Variants in RALGAPA1 observed in about 807,000 individuals in gnomAD.
The protein encoded by RALGAPA1 is Ral GTPase activating protein catalytic subunit alpha 1, also known as ral GTPase-activating protein subunit alpha-1.
A neutral mutation model predicts 269.6 loss-of-function variants in RALGAPA1; 52 were observed. The ratio of observed to expected loss-of-function variants is 0.19; its 90% CI spans 0.15 to 0.24. The LOEUF is 0.24. RALGAPA1 is among the 10% of genes least tolerant of loss of function. RALGAPA1 has a pLI of 1.00. For synonymous variants in RALGAPA1, 817 were observed against 1,008.3 expected, an observed-to-expected ratio of 0.81 and a Z score of 3.60; for missense variants, 1,917 against 3,013.9, an observed-to-expected ratio of 0.64 and a Z score of 8.52.
At chr14:35,550,199 A>G (rs1175192555) in intron 39 of RALGAPA1, among the ~76,000 whole-genome samples, 1 of 152,246 alleles carries the variant, frequency 6.6e-6, no homozygotes, top group South Asian at 2.1e-4. Flanking sequence ...AGGCAGCAAC[A>G]TACAATTATC....
intron 26 of RALGAPA1, among the ~76,000 whole-genome samples, chr14:35,671,060 C>T (rs934626636): frequency 1.2e-4 from 18 of 151,992 alleles, no homozygotes; most frequent in Non-Finnish European, 2.4e-4. Context: ...GTGTACAACA[C>T]GATGATTTGA....
chr14:35,570,711 T>C lies in RALGAPA1; in HGVS notation c.7402A>G (p.Ile2468Val), dbSNP rs755269915. ...PFFGPLFDGA[I>V]VNGKVLPIMV... ...ATGGGTAGAACCTTTCCATTCACAA[T>C]AGCACCATCAAAAAGGGGACCAAAG... Residue 2468 changes from isoleucine to valine, a missense_variant, in exon 39 of 42, where the codon ATT (isoleucine) becomes GTT (valine). This residue lies in a region of RALGAPA1 where 91 missense variants were observed against 130.9 expected (regional missense o/e 0.70). Coordinates refer to ENST00000680220, the MANE Select transcript of RALGAPA1 (RefSeq NM_001346249.2). 2 of 1,608,264 alleles carry C rather than the reference T, an allele frequency of 1.2e-6. No individual in the cohort carries two copies. Among genetic ancestry groups the C allele is most frequent in the South Asian group, 1.1e-5 (1 of 89,554 alleles).
chr14:35,679,116 A>G (rs2065199465), intron 21 of RALGAPA1, among the ~76,000 whole-genome samples: 1 of 152,242 alleles, frequency 6.6e-6, no homozygotes, highest in Admixed American at 6.5e-5. Flanking sequence ...TAACTTAAAT[A>G]AAGTATAGCA....
At chr14:35,766,746 A>T in intron 4 of RALGAPA1, 1 of 533,234 alleles carries the variant, frequency 1.9e-6, no homozygotes, top group Non-Finnish European at 3.8e-6. Flanking sequence ...CCTCATTGCT[A>T]ATGATTTTGT....
intron 35 of RALGAPA1, among the ~76,000 whole-genome samples, chr14:35,619,111 G>A (rs1024454197): frequency 6.6e-6 from 1 of 151,792 alleles, no homozygotes; most frequent in Admixed American, 6.6e-5. Flanking sequence ...TGGCCTATCA[G>A]ATATTAAAAT....
rs552315682 is a variant in RALGAPA1, at chr14:35,779,741, T to C, written c.107-3996A>G. ...ATCAACTCAAGATTTTGCGACATAT[T>C]AGGAGCCAAAGTATTCTCTCTCAAT... On this transcript the variant is annotated intron_variant, in intron 1 of 41. Coordinates refer to ENST00000680220, the MANE Select transcript of RALGAPA1 (RefSeq NM_001346249.2). Among the ~76,000 whole-genome samples, 8 of 152,172 alleles carry C rather than the reference T, an allele frequency of 5.3e-5. No individual in the cohort carries two copies. The South Asian group carries it at 1.5e-3, about 28-fold the overall frequency.
intron 35 of RALGAPA1, 110 bp from the exon 36 acceptor site, chr14:35,605,819 AT>A: frequency 7.9e-7 from 1 of 1,267,450 alleles, no homozygotes; most frequent in Non-Finnish European, 1.1e-6. Context: ...ATGAAAAAGA[AT>A]TAGATCTTAT....
At chr14:35,661,260 T>A (rs1039676580) in intron 27 of RALGAPA1, among the ~76,000 whole-genome samples, 2 of 152,154 alleles carry the variant, frequency 1.3e-5, no homozygotes, top group African/African-American at 4.8e-5. Flanking sequence ...TTTTTGTCAA[T>A]TTTACCTCAA....
chr14:35,740,163 C>A (rs1398815624), intron 11 of RALGAPA1, among the ~76,000 whole-genome samples: 1 of 152,128 alleles, frequency 6.6e-6, no homozygotes, highest in Non-Finnish European at 1.5e-5. Flanking sequence ...GGTGTTCTCT[C>A]TTTCATGCTC....
At chr14:35,562,464 C>T (rs180721692) in intron 39 of RALGAPA1, among the ~76,000 whole-genome samples, 1 of 152,242 alleles carries the variant, frequency 6.6e-6, no homozygotes, top group African/African-American at 2.4e-5. Context: ...GAAGTGAAAA[C>T]CCTCATTAAT....
intron 11 of RALGAPA1, among the ~76,000 whole-genome samples, chr14:35,740,320 C>G (rs77733098): frequency 7.6e-4 from 115 of 152,232 alleles, no homozygotes; most frequent in African/African-American, 2.6e-3. Context: ...CAACCAAAAG[C>G]TTTGTATGGT....
chr14:35,578,564 GAA>G (rs1325540197), intron 37 of RALGAPA1, among the ~76,000 whole-genome samples: 8 of 152,080 alleles, frequency 5.3e-5, no homozygotes, highest in Non-Finnish European at 5.9e-5. Flanking sequence ...TAGCAATCAG[GAA>G]AAGTTTCTTG....
intron 31 of RALGAPA1, among the ~76,000 whole-genome samples, chr14:35,638,042 C>G (rs1272055929): frequency 3.3e-5 from 5 of 152,162 alleles, no homozygotes; most frequent in African/African-American, 1.2e-4. Context: ...TCATCAACAC[C>G]AAATCTGTCC....
At chr14:35,749,089 T>C (rs756091300) in intron 9 of RALGAPA1, among the ~76,000 whole-genome samples, 1 of 152,158 alleles carries the variant, frequency 6.6e-6, no homozygotes, top group Admixed American at 6.6e-5. Flanking sequence ...TATATTCTTC[T>C]CAGTAAGTTT....
intron 9 of RALGAPA1, 36 bp from the exon 10 acceptor site, chr14:35,748,860 A>G (rs1279315270): frequency 1.3e-6 from 2 of 1,546,212 alleles, no homozygotes; most frequent in African/African-American, 1.4e-5. Flanking sequence ...GAGAGAAACA[A>G]TATCATAATC....
chr14:35,691,092 T>A (rs2038717), intron 17 of RALGAPA1, among the ~76,000 whole-genome samples: 5,229 of 148,096 alleles, frequency 0.035, 131 homozygotes, highest in African/African-American at 0.058. Context: ...TAATAATAAT[T>A]ATTATTATTA....
rs193065954 is a variant in RALGAPA1, at chr14:35,620,852, A to T, written c.6929+4509T>A. ...GGAGAACTACAAACCACTGCTCAAC[A>T]AAATAAAAGAGGACACAAACAAATG... On this transcript the variant is annotated intron_variant, in intron 35 of 41. Transcript: ENST00000680220. Among the ~76,000 whole-genome samples, 14 of 152,246 alleles carry T rather than the reference A, an allele frequency of 9.2e-5. No homozygotes were observed. The East Asian group carries it at 9.7e-4, about 10-fold the overall frequency.
chr14:35,638,311 T>G (rs998192539), intron 31 of RALGAPA1, among the ~76,000 whole-genome samples: 4 of 152,062 alleles, frequency 2.6e-5, no homozygotes, highest in Non-Finnish European at 5.9e-5. Flanking sequence ...GAATAAAAAG[T>G]TAAAAAGCAG....
chr14:35,698,096 G>T (rs996662699), intron 17 of RALGAPA1, among the ~76,000 whole-genome samples: 6 of 152,116 alleles, frequency 3.9e-5, no homozygotes, highest in Non-Finnish European at 7.4e-5. Context: ...TTTAGTGACT[G>T]ATGTCTCAAC....
Sources: gnomAD v4.1 joint callset for allele counts (sites outside exome capture counted in the v4.1 genomes callset) on GRCh38, gnomAD v4.1.1 for gene constraint, gnomAD v4.1.1 regional missense constraint, MANE v1.5 for transcripts, NCBI Gene and HGNC (gene_info 2026-07-23, HGNC 2026-07-21) for gene names.